Variants in BRDT observed in about 807,000 individuals in gnomAD.
The protein encoded by BRDT is bromodomain testis-specific protein.
Under a neutral mutation model 113.9 loss-of-function variants are expected in BRDT, and 77 were observed. The observed-to-expected ratio is 0.68, with a 90% CI of 0.56 to 0.82. The LOEUF (loss-of-function observed/expected upper bound fraction) is 0.82. Ranked by LOEUF, BRDT falls within the 40% of genes least tolerant of loss-of-function variation. The probability of loss-of-function intolerance (pLI) is 0.00; values close to 1 mark genes in which losing one functional copy is unlikely to be tolerated. For missense variants in BRDT, 1,027 were observed against 1,105.4 expected (o/e 0.93, Z 1.01); for synonymous variants, 358 against 366.5 (o/e 0.98, Z 0.26).
At chr1:91,957,054 TAC>T (rs1026321952) in intron 1 of BRDT, among the ~76,000 whole-genome samples, 1 of 152,198 alleles carries the variant, frequency 6.6e-6, no homozygotes, top group Non-Finnish European at 1.5e-5. Context: ...TGTTAAATAC[TAC>T]AGAGAAGTCT....
intron 7 of BRDT, among the ~76,000 whole-genome samples, chr1:91,978,497 G>A (rs1684369160): frequency 1.3e-5 from 2 of 152,094 alleles, no homozygotes; most frequent in Admixed American, 6.6e-5. Context: ...GTTTTGTTTC[G>A]TTTTGTTTTT....
chr1:91,997,506 A>G (rs1054385975), intron 15 of BRDT, among the ~76,000 whole-genome samples: 1 of 152,216 alleles, frequency 6.6e-6, no homozygotes, highest in Admixed American at 6.5e-5. Flanking sequence ...AGTATGTTTT[A>G]TAAGAATGCT....
intron 4 of BRDT, among the ~76,000 whole-genome samples, chr1:91,972,024 T>C (rs1683679716): frequency 6.6e-6 from 1 of 152,042 alleles, no homozygotes; most frequent in Admixed American, 6.6e-5. Context: ...TTTTTCTTTC[T>C]TTCTTTCTTC....
chr1:92,007,357 T>C (rs1183599411), intron 18 of BRDT, among the ~76,000 whole-genome samples: 2 of 152,164 alleles, frequency 1.3e-5, no homozygotes, highest in African/African-American at 2.4e-5. Context: ...CAGTATCCAA[T>C]AGTTACCTTT....
At position 91,976,274 on chromosome 1, in the gene BRDT, CAGAAT is replaced by C; in HGVS notation, c.456_460del (p.Gln152HisfsTer7). The C allele has an allele frequency of 6.3e-7, 1 of 1,596,136 alleles. No homozygotes were observed. The highest frequency in any genetic ancestry group is 2.3e-5 in the East Asian group (1 of 44,170). ...GGCTCATACTTTTCCAGGCACTCAACAGAATATAGCTGTTTCTTCTGCTAAAGAAA... is the reference window on the plus strand; with the variant it reads ...GGCTCATACTTTTCCAGGCACTCAACATAGCTGTTTCTTCTGCTAAAGAAA... On this transcript the variant is annotated frameshift_variant, in exon 5 of 19. Transcript: ENST00000399546. LOFTEE classifies it high-confidence loss of function.
At chr1:91,993,255 C>T (rs1685965427) in intron 14 of BRDT, among the ~76,000 whole-genome samples, 1 of 152,166 alleles carries the variant, frequency 6.6e-6, no homozygotes, top group South Asian at 2.1e-4. Context: ...CCTACCTACT[C>T]ACTCACCCCA....
intron 1 of BRDT, among the ~76,000 whole-genome samples, chr1:91,953,177 G>A (rs1392722374): frequency 6.8e-6 from 1 of 147,582 alleles, no homozygotes; most frequent in East Asian, 2.0e-4. Context: ...TAAGTTTGCA[G>A]AAACTATTTT....
chr1:91,952,465 C>CA (rs1278307008), intron 1 of BRDT, among the ~76,000 whole-genome samples: 1 of 151,672 alleles, frequency 6.6e-6, no homozygotes, highest in East Asian at 1.9e-4. Context: ...GAGTCCGCTT[C>CA]AGTAAGAGAA....
At chr1:91,953,548 C>T (rs1681370855) in intron 1 of BRDT, among the ~76,000 whole-genome samples, 3 of 152,030 alleles carry the variant, frequency 2.0e-5, no homozygotes, top group Admixed American at 1.3e-4. Context: ...GGTATGATGG[C>T]GGGTGCCTGT....
chr1:91,960,377 T>C (rs1682305649), intron 1 of BRDT, among the ~76,000 whole-genome samples: 1 of 152,202 alleles, frequency 6.6e-6, no homozygotes, highest in Admixed American at 6.5e-5. Context: ...GAAGGGAAAT[T>C]CTAACACACG....
Position 91,978,304 on chromosome 1 carries a change from GTTAC to G in BRDT, c.1098+11_1098+14del. On this transcript the variant is annotated intron_variant, in intron 7 of 18. Transcript: ENST00000399546. ...ATGGCAAGAATGCTTCAGGTGAGCT[GTTAC>G]TTGTGCTCTGAAGGTGTTTTTCCTC... 6.2e-7 allele frequency: 1 copy of G among 1,613,484 alleles called. No individual in the cohort carries two copies. Among genetic ancestry groups the G allele is most frequent in the Non-Finnish European group, 8.5e-7 (1 of 1,179,790 alleles).
intron 4 of BRDT, 102 bp from the exon 5 acceptor site, chr1:91,976,149 AGTATCCTATGCTTAT>A: frequency 2.1e-6 from 2 of 965,980 alleles, no homozygotes; most frequent in African/African-American, 1.7e-5. Flanking sequence ...AAATGAAATA[AGTATCCTATGCTTAT>A]ATTGCTAAAA....
intron 1 of BRDT, among the ~76,000 whole-genome samples, chr1:91,959,412 TTTC>T (rs1682169170): frequency 1.8e-5 from 1 of 56,074 alleles, no homozygotes; most frequent in South Asian, 1.1e-3. Flanking sequence ...TTTTTCTCTT[TTTC>T]TTTCTTTTTT....
chr1:92,010,163 A>G (rs971746308), intron 18 of BRDT, among the ~76,000 whole-genome samples: 8 of 151,328 alleles, frequency 5.3e-5, no homozygotes, highest in Non-Finnish European at 1.0e-4. Flanking sequence ...AATTTTGGCC[A>G]TTATTTATTC....
At chr1:91,999,014 G>A (rs1386662652) in intron 15 of BRDT, among the ~76,000 whole-genome samples, 1 of 152,080 alleles carries the variant, frequency 6.6e-6, no homozygotes, top group Non-Finnish European at 1.5e-5. Context: ...TTGAGTGAAG[G>A]TGTGCCTCTG....
chr1:91,965,188 A>G (rs970762253), intron 3 of BRDT, among the ~76,000 whole-genome samples: 2 of 152,158 alleles, frequency 1.3e-5, no homozygotes, highest in African/African-American at 2.4e-5. Context: ...TTCTGGGATT[A>G]TAGGTGTGAG....
At chr1:92,007,634 CTT>C (rs1022553270) in intron 18 of BRDT, among the ~76,000 whole-genome samples, 3 of 152,144 alleles carry the variant, frequency 2.0e-5, no homozygotes, top group Admixed American at 1.3e-4. Context: ...GTCAGTAACT[CTT>C]TGTTTTCCTA....
chr1:91,978,915 G>A (rs1684416772), intron 7 of BRDT, among the ~76,000 whole-genome samples: 1 of 145,908 alleles, frequency 6.9e-6, no homozygotes, highest in South Asian at 2.4e-4. Flanking sequence ...GGAGAATGGC[G>A]TGAACCCGGG....
intron 18 of BRDT, among the ~76,000 whole-genome samples, chr1:92,008,943 C>T (rs1040654715): frequency 2.0e-5 from 3 of 152,154 alleles, no homozygotes; most frequent in African/African-American, 7.2e-5. Context: ...ATCAAACTAA[C>T]ATGTATCACC....
Sources: gnomAD v4.1 joint callset for allele counts (sites outside exome capture counted in the v4.1 genomes callset) on GRCh38, gnomAD v4.1.1 for gene constraint, MANE v1.5 for transcripts, NCBI Gene and HGNC (gene_info 2026-07-23, HGNC 2026-07-21) for gene names.